Variants in BOLL observed in about 807,000 individuals in gnomAD.
BOLL encodes the protein boule RNA binding protein.
In BOLL, 23 loss-of-function variants were observed where a neutral mutation model predicts 44.4. The ratio of observed to expected loss-of-function variants is 0.52; its 90% CI spans 0.37 to 0.73. The LOEUF (loss-of-function observed/expected upper bound fraction) is 0.73, where lower values mean the gene tolerates loss of function less well. BOLL is among the 30% of genes least tolerant of loss of function. The pLI is 0.00. For missense variants in BOLL, 287 were observed against 338.3 expected, an observed-to-expected ratio of 0.85 and a Z score of 1.19; for synonymous variants, 97 against 110.8, an observed-to-expected ratio of 0.88 and a Z score of 0.78.
At chr2:197,770,043 G>T (rs1353991998) in intron 6 of BOLL, among the ~76,000 whole-genome samples, 2 of 152,102 alleles carry the variant, frequency 1.3e-5, no homozygotes, top group Non-Finnish European at 2.9e-5. Flanking sequence ...ACATTGCCAA[G>T]ACAATCTTAA....
chr2:197,729,593 T>C (rs1687046530), intron 10 of BOLL, among the ~76,000 whole-genome samples: 1 of 152,184 alleles, frequency 6.6e-6, no homozygotes, highest in Non-Finnish European at 1.5e-5. Context: ...GCAGTGGTTT[T>C]CCCAGCATGC....
In BOLL at chr2:197,770,477, A is replaced by G. The variant is rs182077231; in HGVS notation, c.480+1378T>C. Among the ~76,000 whole-genome samples, 737 of 152,310 alleles carry G rather than the reference A, an allele frequency of 4.8e-3. 7 individuals carry two copies. Among genetic ancestry groups the G allele is most frequent in the African/African-American group, 0.016 (680 of 41,570 alleles). ...CTAAAACACCAAAAGCCATGGCCACAAATCCAAAATTGACAAATGGGATCT... is the reference window on the plus strand; with the variant it reads ...CTAAAACACCAAAAGCCATGGCCACGAATCCAAAATTGACAAATGGGATCT... On this transcript the variant is annotated intron_variant, in intron 6 of 10. Coordinates refer to ENST00000392296, the MANE Select transcript of BOLL (RefSeq NM_033030.6).
At chr2:197,743,222 G>T in intron 9 of BOLL, 63 bp from the exon 10 acceptor site, 2 of 1,224,124 alleles carry the variant, frequency 1.6e-6, no homozygotes, top group Non-Finnish European at 2.3e-6. Context: ...TATTTACTCA[G>T]CATTTACAAT....
intron 2 of BOLL, among the ~76,000 whole-genome samples, chr2:197,780,840 T>C (rs1208373439): frequency 1.3e-5 from 2 of 151,978 alleles, no homozygotes; most frequent in African/African-American, 4.8e-5. Flanking sequence ...AAATAGAAGC[T>C]TGGAAATCCT....
At chr2:197,744,372 A>G (rs1288434839) in intron 9 of BOLL, among the ~76,000 whole-genome samples, 1 of 152,216 alleles carries the variant, frequency 6.6e-6, no homozygotes, top group Non-Finnish European at 1.5e-5. Context: ...AAAAGGAGGT[A>G]AAAGGATTGC....
At chr2:197,746,848 C>T (rs182278626) in intron 9 of BOLL, among the ~76,000 whole-genome samples, 55 of 148,090 alleles carry the variant, frequency 3.7e-4, no homozygotes, top group Non-Finnish European at 5.8e-4. Flanking sequence ...TGCAGTGAGC[C>T]GAGATCATGC....
At position 197,742,919 on chromosome 2, in the gene BOLL, T is replaced by C. The variant is rs915287646; in HGVS notation, c.828+142A>G. ...TAGTTAATTTAGAATTATATTTCCT[T>C]CACATGAGTTTGCTAATTCTGTACT... On this transcript the variant is annotated intron_variant, in intron 10 of 10. Coordinates refer to ENST00000392296, the MANE Select transcript of BOLL (RefSeq NM_033030.6). 74 of 440,330 alleles carry C rather than the reference T, an allele frequency of 1.7e-4. No homozygotes were observed. The East Asian group carries it at 2.8e-3, about 16-fold the overall frequency. The allele number at this position is 440,330 out of a possible 1,614,324, so 27.3% of individuals were successfully genotyped here. A position where few individuals can be genotyped will look rare whatever the true frequency, so the allele number is the denominator to read the frequency against.
In BOLL at chr2:197,729,280, G is replaced by C. The variant is rs528858491; in HGVS notation, c.829-702C>G. On this transcript the variant is annotated intron_variant, in intron 10 of 10. Coordinates refer to ENST00000392296, the MANE Select transcript of BOLL (RefSeq NM_033030.6). Reference sequence around the variant, plus strand: ...ACGGGCTTAAAAAACGGCGCACCACGAGATTATATCTCGCACCTGGCTCGG... The same window carrying C: ...ACGGGCTTAAAAAACGGCGCACCACCAGATTATATCTCGCACCTGGCTCGG... 5.3e-5 allele frequency among the ~76,000 whole-genome samples: 8 copies of C among 152,346 alleles called. No homozygotes were observed. In the South Asian group the frequency reaches 1.4e-3, roughly 28 times the overall value.
intron 1 of BOLL, among the ~76,000 whole-genome samples, chr2:197,784,380 G>A (rs1478560754): frequency 1.8e-5 from 2 of 111,500 alleles, no homozygotes; most frequent in Admixed American, 2.1e-4. Context: ...CAGTATAACA[G>A]CAGTCTAATA....
At chr2:197,775,879 A>C in intron 4 of BOLL, 139 bp from the exon 5 acceptor site, 2 of 460,058 alleles carry the variant, frequency 4.3e-6, no homozygotes, top group Non-Finnish European at 7.4e-6. Context: ...AGTGGGAAAG[A>C]GCCGTCTTCA....
At chr2:197,734,634 A>G (rs1048495245) in intron 10 of BOLL, among the ~76,000 whole-genome samples, 7 of 152,226 alleles carry the variant, frequency 4.6e-5, no homozygotes, top group African/African-American at 7.2e-5. Flanking sequence ...CAGCCATAAA[A>G]AATGATGAGT....
intron 9 of BOLL, among the ~76,000 whole-genome samples, chr2:197,743,602 A>T (rs1687860001): frequency 6.6e-6 from 1 of 152,220 alleles, no homozygotes; most frequent in South Asian, 2.1e-4. Flanking sequence ...GTAGACGTAT[A>T]CTGTTGATAG....
At chr2:197,756,127 C>G (rs1332732167) in intron 9 of BOLL, among the ~76,000 whole-genome samples, 1 of 151,982 alleles carries the variant, frequency 6.6e-6, no homozygotes, top group Non-Finnish European at 1.5e-5. Context: ...AGTAACAATA[C>G]AGATTGACAG....
chr2:197,749,266 C>A (rs967543619), intron 9 of BOLL, among the ~76,000 whole-genome samples: 1 of 152,124 alleles, frequency 6.6e-6, no homozygotes, highest in African/African-American at 2.4e-5. Context: ...GTAGATAAAT[C>A]CACAAAGATG....
chr2:197,785,551 T>C (rs1057503103), upstream of BOLL, among the ~76,000 whole-genome samples: 1 of 152,074 alleles, frequency 6.6e-6, no homozygotes, highest in African/African-American at 2.4e-5. The surrounding 1 kb of genome is among the most constrained non-coding windows in gnomAD (Gnocchi z 6.7). Context: ...CGCTGACCAG[T>C]CGGGGAGTGG....
chr2:197,733,615 T>TA (rs1422166221), intron 10 of BOLL, among the ~76,000 whole-genome samples: 1 of 151,790 alleles, frequency 6.6e-6, no homozygotes, highest in Non-Finnish European at 1.5e-5. Context: ...AAAACAGAGA[T>TA]AGAGACCAAT....
intron 7 of BOLL, among the ~76,000 whole-genome samples, chr2:197,762,620 A>C (rs976396755): frequency 6.6e-6 from 1 of 152,202 alleles, no homozygotes. Context: ...AAACTATACA[A>C]ATTCATGGAA....
intron 9 of BOLL, among the ~76,000 whole-genome samples, chr2:197,748,560 T>A (rs1688091688): frequency 6.6e-6 from 1 of 152,200 alleles, no homozygotes. Flanking sequence ...TTGGGGCATC[T>A]GCCATTACTG....
chr2:197,731,421 C>T (rs1485181599), intron 10 of BOLL, among the ~76,000 whole-genome samples: 4 of 146,350 alleles, frequency 2.7e-5, no homozygotes, highest in African/African-American at 5.2e-5. Context: ...AGAAAGTCAA[C>T]AAGGATACCC....
Sources: gnomAD v4.1 joint callset for allele counts (sites outside exome capture counted in the v4.1 genomes callset) on GRCh38, gnomAD v4.1.1 for gene constraint, Gnocchi (gnomAD v3.1) non-coding constraint, MANE v1.5 for transcripts, NCBI Gene and HGNC (gene_info 2026-07-23, HGNC 2026-07-21) for gene names.